The following NIPAL2 variants were observed in gnomAD, a reference collection of about 807,000 sequenced individuals.
NIPAL2 encodes the protein NIPA like domain containing 2.
NIPAL2 carries 43 observed loss-of-function variants against 48.9 expected under a neutral mutation model. The observed-to-expected ratio is 0.88, with a 90% CI of 0.69 to 1.13. The LOEUF is 1.13. Ranked by LOEUF, NIPAL2 falls within the 50% of genes most tolerant of loss-of-function variation. The probability of loss-of-function intolerance (pLI) is 0.00; values close to 1 mark genes in which losing one functional copy is unlikely to be tolerated. For synonymous variants in NIPAL2, 167 were observed against 174.6 expected, an observed-to-expected ratio of 0.96 and a Z score of 0.34; for missense variants, 446 against 461.4, an observed-to-expected ratio of 0.97 and a Z score of 0.31.
At chr8:98,289,416 AG>A (rs1563562616) in intron 1 of NIPAL2, among the ~76,000 whole-genome samples, 1 of 152,172 alleles carries the variant, frequency 6.6e-6, no homozygotes, top group African/African-American at 2.4e-5. Flanking sequence ...TCCTCTAACA[AG>A]GGCCCCGGGG....
chr8:98,198,836 C>T (rs1281218499), intron 8 of NIPAL2, among the ~76,000 whole-genome samples: 1 of 152,176 alleles, frequency 6.6e-6, no homozygotes, highest in Non-Finnish European at 1.5e-5. Context: ...TTGATCTGTC[C>T]AGACCACTCA....
intron 1 of NIPAL2, among the ~76,000 whole-genome samples, chr8:98,289,297 A>C (rs973635171): frequency 6.6e-6 from 1 of 152,214 alleles, no homozygotes; most frequent in African/African-American, 2.4e-5. Flanking sequence ...GATTGCATCA[A>C]TGCGAATATT....
intron 6 of NIPAL2, among the ~76,000 whole-genome samples, 190 bp downstream of exon 6, chr8:98,212,215 A>G (rs1160445546): frequency 6.6e-6 from 1 of 152,218 alleles, no homozygotes; most frequent in Admixed American, 6.5e-5. Context: ...AAAATTAAAT[A>G]TATATCAATT....
rs1427155536 is a variant in NIPAL2, at chr8:98,252,575, C to T, written c.264G>A (p.Val88=). ...QEHPRPYFKS[V]LWWGGVLLMA... is the part of the protein sequence containing the mutation. Reference sequence around the variant, plus strand: ...TCAGCAGGACACCACCCCACCACAGCACACTCTTGAAGTATGGCCTTGGGT... The same window carrying T: ...TCAGCAGGACACCACCCCACCACAGTACACTCTTGAAGTATGGCCTTGGGT... The change falls in exon 3 of 11, where the codon GTG becomes GTA. Residue 88 remains valine (V), a synonymous_variant. Coordinates refer to ENST00000430223, the MANE Select transcript of NIPAL2 (RefSeq NM_001321635.2). 1 of 1,614,004 alleles carries T rather than the reference C, an allele frequency of 6.2e-7. No homozygotes were observed. The highest frequency in any genetic ancestry group is 8.5e-7 in the Non-Finnish European group (1 of 1,180,038).
At chr8:98,216,231 C>T (rs1280458349) in intron 5 of NIPAL2, among the ~76,000 whole-genome samples, 1 of 152,168 alleles carries the variant, frequency 6.6e-6, no homozygotes, top group Non-Finnish European at 1.5e-5. Flanking sequence ...CAGAAGTGAA[C>T]AAACTGGTTT....
At chr8:98,207,433 T>G (rs1012513738) in intron 6 of NIPAL2, among the ~76,000 whole-genome samples, 2 of 152,158 alleles carry the variant, frequency 1.3e-5, no homozygotes, top group Non-Finnish European at 2.9e-5. Context: ...TTGATGAGGA[T>G]AGGTGGAAAT....
chr8:98,222,458 T>C (rs765035699), intron 5 of NIPAL2, 21 bp downstream of exon 5: 1 of 1,610,554 alleles, frequency 6.2e-7, no homozygotes, highest in Non-Finnish European at 8.5e-7. Flanking sequence ...TCGGGGATAG[T>C]AAAATATTTA....
At chr8:98,225,278 G>A (rs1286890717) in intron 4 of NIPAL2, among the ~76,000 whole-genome samples, 2 of 152,164 alleles carry the variant, frequency 1.3e-5, no homozygotes, top group Admixed American at 1.3e-4. Context: ...GTGATTTACT[G>A]TCCCCTTTAT....
chr8:98,279,060 C>T (rs1436810042), intron 1 of NIPAL2, among the ~76,000 whole-genome samples: 2 of 152,146 alleles, frequency 1.3e-5, no homozygotes, highest in Non-Finnish European at 2.9e-5. Flanking sequence ...ACTGATACAT[C>T]TTATTCTATA....
At chr8:98,231,330 C>T (rs988864710) in intron 4 of NIPAL2, among the ~76,000 whole-genome samples, 9 of 152,116 alleles carry the variant, frequency 5.9e-5, no homozygotes, top group African/African-American at 1.4e-4. Flanking sequence ...CAACCAGAGA[C>T]GATGGGTCAT....
chr8:98,260,606 T>C (rs1237962993), intron 1 of NIPAL2, among the ~76,000 whole-genome samples: 3 of 151,048 alleles, frequency 2.0e-5, no homozygotes, highest in African/African-American at 2.4e-5. Context: ...GATTATATCC[T>C]GCACCTGGCT....
At chr8:98,241,636 C>T (rs1812985129) in intron 3 of NIPAL2, among the ~76,000 whole-genome samples, 1 of 151,870 alleles carries the variant, frequency 6.6e-6, no homozygotes, top group South Asian at 2.1e-4. Context: ...AAACGTTCAG[C>T]AATAATCAGT....
At chr8:98,221,793 C>A (rs193015846) in intron 5 of NIPAL2, among the ~76,000 whole-genome samples, 156 of 152,266 alleles carry the variant, frequency 1.0e-3, no homozygotes, top group African/African-American at 3.5e-3. Context: ...CAGGAAACAA[C>A]AAATGCTGGA....
rs910407134 is a variant in NIPAL2 at position 98,268,284 on chromosome 8, GAA to G, written c.136-14199_136-14198del. The stretch of plus-strand genomic sequence containing the variant: ...TATGTGTGTCTTTACTAACACAATA[GAA>G]ACAATGTCTGGTGGCAGGTCCAATA... On this transcript the variant is annotated intron_variant, in intron 1 of 10. Transcript: ENST00000430223. Among the ~76,000 whole-genome samples the G allele has an allele frequency of 7.2e-5, 11 of 151,934 alleles. 1 individual carries two copies. The highest frequency in any genetic ancestry group is 1.5e-4 in the Non-Finnish European group (10 of 68,002).
chr8:98,288,282 T>C (rs993189984), intron 1 of NIPAL2, among the ~76,000 whole-genome samples: 1 of 147,856 alleles, frequency 6.8e-6, no homozygotes, highest in Non-Finnish European at 1.5e-5. Context: ...TGAGTGAGAA[T>C]ATGTGGTGTT....
At chr8:98,282,160 T>C (rs1815871448) in intron 1 of NIPAL2, among the ~76,000 whole-genome samples, 1 of 151,918 alleles carries the variant, frequency 6.6e-6, no homozygotes, top group South Asian at 2.1e-4. Flanking sequence ...CCAGGGTGAG[T>C]GCATTCCGGC....
intron 1 of NIPAL2, among the ~76,000 whole-genome samples, chr8:98,290,027 C>G (rs1586502229): frequency 1.3e-5 from 2 of 152,186 alleles, no homozygotes; most frequent in East Asian, 3.8e-4. Context: ...GCCTTAGTTT[C>G]TAGCAATGGC....
At chr8:98,231,890 C>T (rs1476626245) in intron 4 of NIPAL2, 4 of 152,112 alleles carry the variant, frequency 2.6e-5, no homozygotes, top group Admixed American at 1.3e-4. Flanking sequence ...TTTTCCTTTA[C>T]ACATTTTGAT....
At chr8:98,219,573 C>T (rs1039950094) in intron 5 of NIPAL2, among the ~76,000 whole-genome samples, 4 of 152,106 alleles carry the variant, frequency 2.6e-5, no homozygotes, top group Non-Finnish European at 5.9e-5. Context: ...ATTTACTTCC[C>T]CAGACTTCTC....
Sources: gnomAD v4.1 joint callset for allele counts (sites outside exome capture counted in the v4.1 genomes callset) on GRCh38, gnomAD v4.1.1 for gene constraint, MANE v1.5 for transcripts, NCBI Gene and HGNC (gene_info 2026-07-23, HGNC 2026-07-21) for gene names.